Variants in SHANK2 observed in about 807,000 individuals in gnomAD.
The protein encoded by SHANK2 is SH3 and multiple ankyrin repeat domains protein 2.
Under a neutral mutation model 133.7 loss-of-function variants are expected in SHANK2, and 43 were observed. The ratio of observed to expected loss-of-function variants is 0.32; its 90% CI spans 0.25 to 0.41. The LOEUF is 0.41. Ranked by LOEUF, SHANK2 falls within the 10% of genes least tolerant of loss-of-function variation. SHANK2 has a pLI of 1.00. For missense variants in SHANK2, 1,994 were observed against 2,235.8 expected (o/e 0.89, Z 2.18); for synonymous variants, 1,017 against 952.8 (o/e 1.07, Z -1.24).
At chr11:70,719,730 G>A (rs1372020700) in intron 14 of SHANK2, among the ~76,000 whole-genome samples, 4 of 151,600 alleles carry the variant, frequency 2.6e-5, no homozygotes, top group African/African-American at 9.7e-5. Flanking sequence ...AATAGCAAGG[G>A]TTTCCACAAC....
chr11:70,600,259 G>A (rs2060474500), intron 17 of SHANK2, among the ~76,000 whole-genome samples: 1 of 151,432 alleles, frequency 6.6e-6, no homozygotes. Context: ...TCTCTACTAA[G>A]AACACAAAAA....
chr11:70,589,613 T>A (rs1433367932), intron 17 of SHANK2, among the ~76,000 whole-genome samples: 2 of 152,180 alleles, frequency 1.3e-5, no homozygotes, highest in African/African-American at 4.8e-5. Context: ...ACACATTTTG[T>A]AAGGCTATAG....
At position 70,473,520 on chromosome 11, in the gene SHANK2, G is replaced by A. The variant is rs1015464846; in HGVS notation, c.4980-81C>T. 107 of 1,406,974 alleles carry A rather than the reference G, an allele frequency of 7.6e-5. No individual in the cohort carries two copies. Among genetic ancestry groups the A allele is most frequent in the Non-Finnish European group, 9.1e-5 (92 of 1,012,744 alleles). The allele number at this position is 1,406,974 out of a possible 1,614,324, so 87.2% of individuals were successfully genotyped here. On this transcript the variant is annotated intron_variant, in intron 25 of 25. Transcript: ENST00000601538. This position sits in a 1 kb window ranked among gnomAD's most constrained non-coding sequence, Gnocchi z 5.9. ...CTGGCTGCAGATCACCCAGGAAGGC[G>A]AGGGAGACGCCCAAACCATGCCAGA... is the stretch of plus-strand genomic sequence containing the variant.
In SHANK2 at chr11:70,804,832, G is replaced by A. The variant is rs1357012959; in HGVS notation, c.1663+2170C>T. ...TCTGCCTACCACTGCCAGCCTGTGG[G>A]AGACTCGGATCCACTGATGGGGCTC... On this transcript the variant is annotated intron_variant, in intron 13 of 25. Coordinates refer to ENST00000601538, the MANE Select transcript of SHANK2 (RefSeq NM_012309.5). This position sits in a 1 kb window ranked among gnomAD's most constrained non-coding sequence, Gnocchi z 4.1. Among the ~76,000 whole-genome samples, 1 of 152,178 alleles carries A rather than the reference G, an allele frequency of 6.6e-6. No individual in the cohort carries two copies.
chr11:70,487,465 G>A lies in SHANK2; in HGVS notation c.2828C>T (p.Thr943Ile). ...SPATRSDTVATMMREKGMYFR... is the reference protein window; with the variant it reads ...SPATRSDTVAIMMREKGMYFR... ...GTACATCCCCTTCTCCCTCATCATG[G>A]TGGCCACGGTGTCGGACCTGGTGGC... Residue 943 changes from threonine (T) to isoleucine (I), a missense_variant, in exon 25 of 26, where the codon ACC (threonine) becomes ATC (isoleucine). Around this residue, in one of 5 missense-constraint regions of SHANK2, gnomAD observed 488 missense variants for 642.6 expected, o/e 0.76. Coordinates refer to ENST00000601538, the MANE Select transcript of SHANK2 (RefSeq NM_012309.5). This position sits in a 1 kb window ranked among gnomAD's most constrained non-coding sequence, Gnocchi z 5.8. 1 of 1,614,024 alleles carries A rather than the reference G, an allele frequency of 6.2e-7. No individual in the cohort carries two copies. The highest frequency in any genetic ancestry group is 8.5e-7 in the Non-Finnish European group (1 of 1,180,012).
At chr11:71,136,563 C>A (rs1453296306) in intron 3 of SHANK2, among the ~76,000 whole-genome samples, 2 of 152,226 alleles carry the variant, frequency 1.3e-5, no homozygotes, top group Non-Finnish European at 2.9e-5. Flanking sequence ...GAAAAGCCCA[C>A]ACTTTACCTC....
intron 10 of SHANK2, among the ~76,000 whole-genome samples, chr11:70,924,429 G>C (rs1950398161): frequency 6.6e-6 from 1 of 152,146 alleles, no homozygotes; most frequent in Non-Finnish European, 1.5e-5. Flanking sequence ...GGGGCTGAAG[G>C]AAAGCCATGC....
chr11:71,081,295 C>T (rs969988468), intron 8 of SHANK2, among the ~76,000 whole-genome samples: 1 of 152,230 alleles, frequency 6.6e-6, no homozygotes, highest in African/African-American at 2.4e-5. Context: ...GTTTGAGGAA[C>T]TTTGCAGTGG....
intron 10 of SHANK2, among the ~76,000 whole-genome samples, chr11:70,954,085 C>G (rs919395144): frequency 2.6e-5 from 4 of 152,236 alleles, no homozygotes; most frequent in African/African-American, 9.6e-5. Flanking sequence ...GGACCCTGCC[C>G]ATGGCACTCA....
intron 11 of SHANK2, among the ~76,000 whole-genome samples, chr11:70,870,135 A>C (rs1222806938): frequency 6.6e-6 from 1 of 152,128 alleles, no homozygotes; most frequent in Non-Finnish European, 1.5e-5. Flanking sequence ...GGCCCAGGGC[A>C]CTATGGAAGA....
At chr11:70,724,111 A>G (rs1946127550) in intron 14 of SHANK2, among the ~76,000 whole-genome samples, 1 of 151,050 alleles carries the variant, frequency 6.6e-6, no homozygotes, top group Admixed American at 6.6e-5. Context: ...TCTTGGTTCA[A>G]TGCAACCTCT....
chr11:71,149,574 T>C (rs117648440), intron 2 of SHANK2, among the ~76,000 whole-genome samples: 1 of 150,706 alleles, frequency 6.6e-6, no homozygotes, highest in East Asian at 2.0e-4. Flanking sequence ...GCGACTGTCT[T>C]ATGTCAGCTC....
At chr11:71,149,095 T>C (rs1380231929) in intron 2 of SHANK2, among the ~76,000 whole-genome samples, 1 of 152,040 alleles carries the variant, frequency 6.6e-6, no homozygotes, top group Non-Finnish European at 1.5e-5. Context: ...TTGTTAGAAA[T>C]CATTCACAAG....
chr11:70,531,179 A>C (rs1591543012), intron 17 of SHANK2, among the ~76,000 whole-genome samples: 2 of 150,970 alleles, frequency 1.3e-5, no homozygotes, highest in East Asian at 1.9e-4. Flanking sequence ...AAAAAAAAAA[A>C]AACAAAAAGG....
chr11:70,915,179 A>C (rs774722352), intron 10 of SHANK2, among the ~76,000 whole-genome samples: 1 of 152,122 alleles, frequency 6.6e-6, no homozygotes, highest in Admixed American at 6.5e-5. Flanking sequence ...GATCCCTCAA[A>C]AATACGGATG....
At chr11:70,767,430 T>A (rs537104238) in intron 14 of SHANK2, among the ~76,000 whole-genome samples, 4 of 152,272 alleles carry the variant, frequency 2.6e-5, no homozygotes, top group African/African-American at 9.6e-5. Flanking sequence ...CACTCACAGA[T>A]GCAGCCCGAA....
intron 10 of SHANK2, among the ~76,000 whole-genome samples, chr11:70,924,853 T>A (rs782177314): frequency 2.6e-5 from 4 of 152,004 alleles, no homozygotes; most frequent in Non-Finnish European, 4.4e-5. Context: ...AGAGAACAGA[T>A]AAAGGAAAAG....
At chr11:70,694,387 G>GC (rs1945350055) in intron 15 of SHANK2, among the ~76,000 whole-genome samples, 1 of 152,226 alleles carries the variant, frequency 6.6e-6, no homozygotes, top group Non-Finnish European at 1.5e-5. Flanking sequence ...TTTGACATAA[G>GC]AGGAGGTTGG....
intron 11 of SHANK2, among the ~76,000 whole-genome samples, chr11:70,883,252 A>C (rs1166293560): frequency 1.3e-5 from 2 of 152,104 alleles, no homozygotes; most frequent in African/African-American, 4.8e-5. Context: ...CACAGGAGCT[A>C]TTTTTGCTGC....
Sources: allele counts gnomAD v4.1 joint callset (sites outside exome capture counted in the v4.1 genomes callset), GRCh38; gene constraint gnomAD v4.1.1; regional missense constraint gnomAD v4.1.1; non-coding constraint Gnocchi (gnomAD v3.1); transcripts MANE v1.5; gene names NCBI Gene and HGNC (gene_info 2026-07-23, HGNC 2026-07-21).